TRPM3: variants seen among roughly 807,000 people sequenced by gnomAD.
TRPM3 encodes long transient receptor potential channel 3.
Under a neutral mutation model 181.2 loss-of-function variants are expected in TRPM3, and 77 were observed. The observed-to-expected ratio is 0.42, with a 90% CI of 0.35 to 0.51. TRPM3 has a LOEUF of 0.51. Ranked by LOEUF, TRPM3 falls within the 20% of genes least tolerant of loss-of-function variation. The pLI is 0.01. For synonymous variants in TRPM3, 745 were observed against 796.4 expected (o/e 0.94, Z 1.09); for missense variants, 1,759 against 2,196.7 (o/e 0.80, Z 3.98).
chr9:71,100,884 A>C (rs1197617678), intron 1 of TRPM3, among the ~76,000 whole-genome samples: 1 of 152,128 alleles, frequency 6.6e-6, no homozygotes, highest in Non-Finnish European at 1.5e-5. Flanking sequence ...TAGAGTCGTA[A>C]CACAAATGCA....
intron 1 of TRPM3, among the ~76,000 whole-genome samples, chr9:71,215,051 A>AC (rs2079772916): frequency 1.0e-5 from 1 of 97,382 alleles, no homozygotes; most frequent in African/African-American, 3.7e-5. Flanking sequence ...AAAAAACAAA[A>AC]AAAAAAAAAA....
At chr9:70,994,602 G>A (rs921559643) in intron 1 of TRPM3, among the ~76,000 whole-genome samples, 1 of 151,560 alleles carries the variant, frequency 6.6e-6, no homozygotes, top group African/African-American at 2.4e-5. Flanking sequence ...ACATTGATAC[G>A]TATGCCCAGA....
intron 25 of TRPM3, among the ~76,000 whole-genome samples, chr9:70,541,898 G>A (rs2043472541): frequency 6.6e-6 from 1 of 152,192 alleles, no homozygotes; most frequent in Non-Finnish European, 1.5e-5. Context: ...CAAGGCAGAT[G>A]GATCACTCGA....
chr9:70,991,559 T>TTTTTG (rs1291814840), intron 1 of TRPM3, among the ~76,000 whole-genome samples: 8 of 147,230 alleles, frequency 5.4e-5, no homozygotes. Flanking sequence ...GTGTCTGTTT[T>TTTTTG]TTTTTTTTTT....
intron 1 of TRPM3, among the ~76,000 whole-genome samples, chr9:70,983,814 G>A (rs1169197691): frequency 6.6e-6 from 1 of 152,186 alleles, no homozygotes; most frequent in East Asian, 1.9e-4. Flanking sequence ...TATTAATCAA[G>A]TCCTGGCTGT....
intron 1 of TRPM3, among the ~76,000 whole-genome samples, chr9:71,156,376 G>GACACACACACACAC (rs71507025): frequency 2.4e-4 from 33 of 138,448 alleles, no homozygotes; most frequent in South Asian, 4.9e-4. Flanking sequence ...ATATACTACA[G>GACACACACACACAC]ACACACACAC....
intron 7 of TRPM3, among the ~76,000 whole-genome samples, chr9:70,783,465 C>T (rs536330872): frequency 2.5e-4 from 38 of 151,976 alleles, no homozygotes; most frequent in African/African-American, 7.7e-4. Context: ...GAGGGGAGTG[C>T]TGTGAAGGGG....
At chr9:70,605,253 G>A (rs1036478092) in intron 19 of TRPM3, among the ~76,000 whole-genome samples, 3 of 152,044 alleles carry the variant, frequency 2.0e-5, no homozygotes, top group South Asian at 2.1e-4. Flanking sequence ...ACTGCGCCTC[G>A]CCTAAATAGA....
intron 1 of TRPM3, among the ~76,000 whole-genome samples, chr9:71,438,514 A>T (rs2094083700): frequency 6.6e-6 from 1 of 151,622 alleles, no homozygotes; most frequent in African/African-American, 2.4e-5. Context: ...TACAAAAAAA[A>T]ATATAAAAAT....
At chr9:71,203,469 C>T (rs1217146600) in intron 1 of TRPM3, among the ~76,000 whole-genome samples, 1 of 152,102 alleles carries the variant, frequency 6.6e-6, no homozygotes, top group Non-Finnish European at 1.5e-5. Context: ...CTTTCATTTG[C>T]TCACTTGTTT....
chr9:70,672,459 G>T (rs551589426), intron 9 of TRPM3, among the ~76,000 whole-genome samples: 1 of 152,136 alleles, frequency 6.6e-6, no homozygotes, highest in South Asian at 2.1e-4. Context: ...ATGCCACTTT[G>T]CCTGAATTCA....
chr9:70,557,562 T>C (rs866310457), intron 22 of TRPM3, among the ~76,000 whole-genome samples: 2 of 152,186 alleles, frequency 1.3e-5, no homozygotes, highest in South Asian at 2.1e-4. Flanking sequence ...AAAACCCTGA[T>C]AAGCAGCAGA....
intron 1 of TRPM3, among the ~76,000 whole-genome samples, chr9:71,155,283 T>C (rs937485982): frequency 3.9e-5 from 6 of 152,008 alleles, no homozygotes; most frequent in South Asian, 2.1e-4. Context: ...TCAACAGACA[T>C]TTATTGAATA....
intron 8 of TRPM3, chr9:70,761,345 G>T: frequency 1.6e-6 from 1 of 629,212 alleles, no homozygotes; most frequent in Non-Finnish European, 2.9e-6. Context: ...TTTTGTTGAG[G>T]CAGTCAGAGC....
At chr9:70,791,474 T>C (rs1455443091) in intron 6 of TRPM3, among the ~76,000 whole-genome samples, 1 of 152,174 alleles carries the variant, frequency 6.6e-6, no homozygotes, top group Non-Finnish European at 1.5e-5. Context: ...AGGGTAAAAA[T>C]AACATGAATT....
At chr9:70,912,731 A>G (rs1006489732) in intron 1 of TRPM3, among the ~76,000 whole-genome samples, 2 of 152,134 alleles carry the variant, frequency 1.3e-5, no homozygotes, top group African/African-American at 4.8e-5. Context: ...TGAGAAGAGA[A>G]GCAAACTAAA....
intron 1 of TRPM3, among the ~76,000 whole-genome samples, chr9:71,137,607 C>A (rs1248193393): frequency 6.6e-6 from 1 of 152,064 alleles, no homozygotes; most frequent in Non-Finnish European, 1.5e-5. Flanking sequence ...TCTTTTATTT[C>A]TCTTTAATTT....
chr9:70,975,300 T>C (rs1481032726), intron 1 of TRPM3, among the ~76,000 whole-genome samples: 1 of 152,206 alleles, frequency 6.6e-6, no homozygotes, highest in Non-Finnish European at 1.5e-5. Flanking sequence ...AAGGCTAATA[T>C]AGGATTCTTC....
At position 71,118,594 on chromosome 9, in the gene TRPM3, C is replaced by T. The variant is rs142953044; in HGVS notation, c.177+2584G>A. ...AGAGTTTAGCTAAATCTAATCAAGC[C>T]ATCAGGACCTACACTGCATTTACTG... On this transcript the variant is annotated intron_variant, in intron 1 of 25. Transcript: ENST00000677713. 3.3e-4 allele frequency among the ~76,000 whole-genome samples: 51 copies of T among 152,240 alleles called. 1 individual carries two copies. The Middle Eastern group carries it at 0.017, about 51-fold the overall frequency.
Sources: allele counts gnomAD v4.1 joint callset (sites outside exome capture counted in the v4.1 genomes callset), GRCh38; gene constraint gnomAD v4.1.1; transcripts MANE v1.5; gene names NCBI Gene and HGNC (gene_info 2026-07-23, HGNC 2026-07-21).